The following NKAIN3 variants were observed in gnomAD, a reference collection of about 807,000 sequenced individuals.
The protein encoded by NKAIN3 is sodium/potassium-transporting ATPase subunit beta-1-interacting protein 3.
Under a neutral mutation model 30.2 loss-of-function variants are expected in NKAIN3, and 25 were observed. The ratio of observed to expected loss-of-function variants is 0.83; its 90% CI spans 0.60 to 1.16. The LOEUF is 1.16. Among genes scored for constraint, NKAIN3 ranks in the 50% most tolerant of loss-of-function variants. The pLI, the probability that NKAIN3 is intolerant of heterozygous loss-of-function variation, is 0.00. For missense variants in NKAIN3, 225 were observed against 254.1 expected (o/e 0.89, Z 0.78); for synonymous variants, 91 against 89.6 (o/e 1.02, Z -0.09).
chr8:62,773,017 C>T (rs1243279333), intron 4 of NKAIN3, among the ~76,000 whole-genome samples: 2 of 151,884 alleles, frequency 1.3e-5, no homozygotes, highest in African/African-American at 4.8e-5. Flanking sequence ...GTCTGAGCTG[C>T]TTGTTTATTC....
At chr8:62,680,698 C>A (rs1016296969) in intron 3 of NKAIN3, among the ~76,000 whole-genome samples, 1 of 151,840 alleles carries the variant, frequency 6.6e-6, no homozygotes, top group South Asian at 2.1e-4. Context: ...AAATGTAATG[C>A]GTGATTTGAA....
intron 3 of NKAIN3, among the ~76,000 whole-genome samples, chr8:62,715,197 C>A (rs1260574238): frequency 6.6e-6 from 1 of 152,116 alleles, no homozygotes; most frequent in Non-Finnish European, 1.5e-5. Context: ...GATCCAGTAA[C>A]CTCCCATGAA....
intron 4 of NKAIN3, among the ~76,000 whole-genome samples, chr8:62,853,663 T>A (rs1036242704): frequency 6.6e-6 from 1 of 152,150 alleles, no homozygotes; most frequent in African/African-American, 2.4e-5. Context: ...AAGCAGCTCC[T>A]GGATTTGTTG....
At chr8:62,712,431 G>C (rs1303581532) in intron 3 of NKAIN3, among the ~76,000 whole-genome samples, 3 of 152,036 alleles carry the variant, frequency 2.0e-5, no homozygotes, top group African/African-American at 7.2e-5. Context: ...TGGAGGATGG[G>C]GGTAAGATTC....
At chr8:62,867,782 A>T (rs139002358) in intron 4 of NKAIN3, among the ~76,000 whole-genome samples, 210 of 152,356 alleles carry the variant, frequency 1.4e-3, no homozygotes, top group African/African-American at 4.9e-3. Context: ...CATATTTTTC[A>T]TAACTACCCT....
downstream of NKAIN3, among the ~76,000 whole-genome samples, chr8:62,985,732 C>T (rs377609348): frequency 6.6e-6 from 1 of 151,824 alleles, no homozygotes; most frequent in African/African-American, 2.4e-5. Flanking sequence ...TTGCTAGCAC[C>T]TCACAGTGCA....
intron 1 of NKAIN3, among the ~76,000 whole-genome samples, chr8:62,343,857 TTTGAAAGTGAGTATAAAATTG>T (rs1359567369): frequency 6.6e-6 from 1 of 152,052 alleles, no homozygotes; most frequent in Non-Finnish European, 1.5e-5. Context: ...AACTTTTGAA[TTTGAAAGTGAGTATAAAATTG>T]CTGTAGTATA....
rs574889285 is a variant in NKAIN3, at chr8:62,321,307, T to A, written c.54+72180T>A. 1.8e-3 allele frequency among the ~76,000 whole-genome samples: 278 copies of A among 152,310 alleles called. 1 individual carries two copies. The highest frequency in any genetic ancestry group is 6.4e-3 in the African/African-American group (267 of 41,572). On this transcript the variant is annotated intron_variant, in intron 1 of 6. Transcript: ENST00000623646. ...CCTCCTTTAGCTCAGAGAAGTTTGA[T>A]CATCTGAAGCCTTCTCTCAACTTGT... is the stretch of plus-strand genomic sequence containing the variant.
chr8:62,545,603 C>T (rs1808979260), intron 1 of NKAIN3, among the ~76,000 whole-genome samples: 1 of 152,064 alleles, frequency 6.6e-6, no homozygotes, highest in South Asian at 2.1e-4. Flanking sequence ...TAAATCAGCA[C>T]ACCTTCTATC....
intron 1 of NKAIN3, among the ~76,000 whole-genome samples, chr8:62,289,101 C>T (rs1450607686): frequency 2.0e-5 from 3 of 151,806 alleles, no homozygotes; most frequent in Non-Finnish European, 2.9e-5. Context: ...TTGATTTTTT[C>T]TTGTAAATTT....
chr8:62,890,921 T>C (rs1444018830), intron 4 of NKAIN3, among the ~76,000 whole-genome samples: 2 of 152,244 alleles, frequency 1.3e-5, no homozygotes, highest in Non-Finnish European at 2.9e-5. Context: ...CCTTTAATTT[T>C]CTATCCTTTG....
chr8:62,892,960 G>C (rs1388161994), intron 4 of NKAIN3, among the ~76,000 whole-genome samples: 2 of 152,078 alleles, frequency 1.3e-5, no homozygotes, highest in Non-Finnish European at 2.9e-5. Context: ...AACTCAATAG[G>C]CTTTATTCCA....
intron 1 of NKAIN3, among the ~76,000 whole-genome samples, chr8:62,329,411 TG>T (rs1387044315): frequency 6.6e-6 from 1 of 152,154 alleles, no homozygotes; most frequent in Non-Finnish European, 1.5e-5. Context: ...TGTGTGATGC[TG>T]AGGTGTGGGG....
At chr8:62,862,459 G>A (rs1820279740) in intron 4 of NKAIN3, among the ~76,000 whole-genome samples, 1 of 151,880 alleles carries the variant, frequency 6.6e-6, no homozygotes, top group African/African-American at 2.4e-5. Flanking sequence ...CTTGAAAAGA[G>A]CATCATATAT....
At position 62,974,387 on chromosome 8, in the gene NKAIN3, A is replaced by G. The variant is rs574864469; in HGVS notation, c.*8980A>G. Among the ~76,000 whole-genome samples, 3 of 152,252 alleles carry G rather than the reference A, an allele frequency of 2.0e-5. No individual in the cohort carries two copies. The highest frequency in any genetic ancestry group is 7.2e-5 in the African/African-American group (3 of 41,540). Reference sequence around the variant, plus strand: ...GAAGAGGTCATTCACATCCCTTGTAAGTTGCATTCCTAGGTATTTTATTCT... The same window carrying G: ...GAAGAGGTCATTCACATCCCTTGTAGGTTGCATTCCTAGGTATTTTATTCT... On this transcript the variant is annotated 3_prime_UTR_variant, in exon 7 of 7. Coordinates refer to ENST00000623646, the MANE Select transcript of NKAIN3 (RefSeq NM_001304533.3).
chr8:62,655,964 G>GC (rs1009654241), intron 3 of NKAIN3, among the ~76,000 whole-genome samples: 1 of 152,052 alleles, frequency 6.6e-6, no homozygotes, highest in African/African-American at 2.4e-5. Flanking sequence ...AATAAAATTA[G>GC]CCCCATTTTC....
chr8:62,710,848 GCTTTAAAGAGGTT>G (rs1814691903), intron 3 of NKAIN3, among the ~76,000 whole-genome samples: 1 of 151,918 alleles, frequency 6.6e-6, no homozygotes, highest in African/African-American at 2.4e-5. Context: ...TGTGATTTAT[GCTTTAAAGAGGTT>G]CTGTTTTGAT....
At chr8:62,580,619 T>G (rs1289314110) in intron 2 of NKAIN3, among the ~76,000 whole-genome samples, 1 of 152,190 alleles carries the variant, frequency 6.6e-6, no homozygotes, top group East Asian at 1.9e-4. Flanking sequence ...AAAGTTATAA[T>G]TTTTCTCTGT....
intron 5 of NKAIN3, among the ~76,000 whole-genome samples, chr8:62,991,345 A>G (rs983485440): frequency 1.3e-5 from 2 of 152,208 alleles, no homozygotes; most frequent in African/African-American, 2.4e-5. Flanking sequence ...CCCAGCAAAT[A>G]CTAGGAACTG....
Sources: gnomAD v4.1 joint callset for allele counts (sites outside exome capture counted in the v4.1 genomes callset) on GRCh38, gnomAD v4.1.1 for gene constraint, MANE v1.5 for transcripts, NCBI Gene and HGNC (gene_info 2026-07-23, HGNC 2026-07-21) for gene names.